Variants in DPP6 observed in about 807,000 individuals in gnomAD.
The protein encoded by DPP6 is A-type potassium channel modulatory protein DPP6.
DPP6 carries 69 observed loss-of-function variants against 122.6 expected under a neutral mutation model. The observed-to-expected ratio is 0.56, with a 90% CI of 0.46 to 0.69. DPP6 has a LOEUF of 0.69. Ranked by LOEUF, DPP6 falls within the 30% of genes least tolerant of loss-of-function variation. The pLI is 0.00. For synonymous variants in DPP6, 418 were observed against 433.1 expected (o/e 0.97, Z 0.43); for missense variants, 928 against 1,116.9 (o/e 0.83, Z 2.41).
intron 1 of DPP6, among the ~76,000 whole-genome samples, chr7:154,433,761 A>G (rs1818640360): frequency 6.6e-6 from 1 of 152,216 alleles, no homozygotes; most frequent in Non-Finnish European, 1.5e-5. Context: ...TGGAGGCAGT[A>G]ATTAAGCTCT....
At chr7:154,488,749 C>T (rs1040088387) in intron 3 of DPP6, among the ~76,000 whole-genome samples, 2 of 152,088 alleles carry the variant, frequency 1.3e-5, no homozygotes, top group African/African-American at 4.8e-5. Context: ...CATCCAGAAA[C>T]ACAGGCATGA....
intron 1 of DPP6, among the ~76,000 whole-genome samples, chr7:153,906,502 G>A (rs1044555286): frequency 1.3e-5 from 2 of 152,172 alleles, no homozygotes; most frequent in Non-Finnish European, 1.5e-5. Context: ...CCAGGCTGGG[G>A]TGCACTTGCA....
Position 153,984,389 on chromosome 7 carries a change from A to G in DPP6, c.51+96655A>G, listed in dbSNP as rs553200558. Among the ~76,000 whole-genome samples the G allele has an allele frequency of 2.5e-3, 386 of 152,350 alleles. 4 individuals carry two copies. Among genetic ancestry groups the G allele is most frequent in the Middle Eastern group, 3.4e-3 (1 of 294 alleles). The stretch of plus-strand genomic sequence containing the variant: ...TTCATAGAAACATGTACACAAGACA[A>G]TATTACCAGAAATCAACCCCCAAAA... On this transcript the variant is annotated intron_variant, in intron 1 of 25. Transcript: ENST00000404039.
intron 2 of DPP6, among the ~76,000 whole-genome samples, chr7:154,462,429 T>G (rs1316216094): frequency 2.0e-5 from 3 of 152,210 alleles, no homozygotes; most frequent in African/African-American, 7.2e-5. Flanking sequence ...GAGATTTCAT[T>G]GAACCTGTAG....
chr7:153,899,786 G>A (rs1334838467), intron 1 of DPP6, among the ~76,000 whole-genome samples: 2 of 152,216 alleles, frequency 1.3e-5, no homozygotes, highest in East Asian at 1.9e-4. Flanking sequence ...GAGTGTGAAT[G>A]TGTGTGCACA....
intron 5 of DPP6, among the ~76,000 whole-genome samples, chr7:154,625,027 G>A (rs1834975429): frequency 1.3e-5 from 2 of 152,162 alleles, no homozygotes; most frequent in South Asian, 4.1e-4. Context: ...ATGGCCAGTG[G>A]ATAAATATAC....
chr7:154,274,650 G>T (rs1296288645), intron 1 of DPP6, among the ~76,000 whole-genome samples: 1 of 151,846 alleles, frequency 6.6e-6, no homozygotes, highest in South Asian at 2.1e-4. Context: ...TGCAAAATAC[G>T]TTTTTTTTCT....
intron 1 of DPP6, among the ~76,000 whole-genome samples, chr7:154,125,686 T>C (rs536915881): frequency 6.6e-6 from 1 of 152,286 alleles, no homozygotes; most frequent in East Asian, 1.9e-4. Flanking sequence ...GTGTGATGGC[T>C]CCTTGGGCTT....
intron 1 of DPP6, among the ~76,000 whole-genome samples, chr7:153,942,006 A>C (rs909232737): frequency 6.6e-6 from 1 of 152,222 alleles, no homozygotes; most frequent in Non-Finnish European, 1.5e-5. Context: ...GCGTTTCTGC[A>C]ATGGCAACTT....
chr7:153,953,583 C>T (rs12670012), intron 1 of DPP6, among the ~76,000 whole-genome samples: 51,165 of 151,936 alleles, frequency 0.34, 9,091 homozygotes, highest in East Asian at 0.59. Flanking sequence ...CTGGGCAAGT[C>T]GGTGATCTGT....
chr7:154,733,975 T>A (rs1310997929), intron 8 of DPP6, among the ~76,000 whole-genome samples: 1 of 152,358 alleles, frequency 6.6e-6, no homozygotes, highest in African/African-American at 2.4e-5. Context: ...GTGTGCTGAG[T>A]ACCTGCTTCC....
At chr7:154,607,975 C>CTT (rs1335375339) in intron 5 of DPP6, among the ~76,000 whole-genome samples, 1 of 97,112 alleles carries the variant, frequency 1.0e-5, no homozygotes, top group Non-Finnish European at 2.3e-5. Context: ...TTAGTTTTTT[C>CTT]TTTTTTTTTT....
Position 154,241,238 on chromosome 7 carries a change from G to A in DPP6, c.243+188175G>A, listed in dbSNP as rs1353719986. On this transcript the variant is annotated intron_variant, in intron 1 of 25. Transcript: ENST00000377770. The surrounding 1 kb of genome is among the most constrained non-coding windows in gnomAD (Gnocchi z 9.0). ...GTGTGTGTATATATATATAGAGAGA[G>A]AGAGAGACACTTTTATCCATTTAGG... Among the ~76,000 whole-genome samples, 1 of 143,970 alleles carries A rather than the reference G, an allele frequency of 6.9e-6. No individual in the cohort carries two copies. Among genetic ancestry groups the A allele is most frequent in the Non-Finnish European group, 1.5e-5 (1 of 65,016 alleles). 94.4% of individuals were successfully genotyped at this position (143,970 alleles called of 152,430 possible).
chr7:154,101,935 CAAAAAAAAA>C (rs915468915), intron 1 of DPP6, among the ~76,000 whole-genome samples: 11 of 40,828 alleles, frequency 2.7e-4, no homozygotes, highest in Non-Finnish European at 3.9e-4. Flanking sequence ...TACTCCATCT[CAAAAAAAAA>C]AAAAAAAAAA....
intron 20 of DPP6, among the ~76,000 whole-genome samples, chr7:154,879,040 A>C (rs536057363): frequency 2.6e-5 from 4 of 152,296 alleles, no homozygotes; most frequent in African/African-American, 9.6e-5. Context: ...CAGGACATCC[A>C]TCCTTCCTTC....
At chr7:154,154,326 G>A (rs1203131408) in intron 1 of DPP6, among the ~76,000 whole-genome samples, 1 of 152,260 alleles carries the variant, frequency 6.6e-6, no homozygotes, top group Non-Finnish European at 1.5e-5. Flanking sequence ...TGTTACTGAT[G>A]GGTGCTAACC....
intron 1 of DPP6, among the ~76,000 whole-genome samples, chr7:153,931,566 T>TG (rs1554410289): frequency 7.2e-5 from 7 of 96,990 alleles, no homozygotes; most frequent in Admixed American, 2.9e-4. Flanking sequence ...AAGTATTTCA[T>TG]GGGAAAAAAA....
intron 1 of DPP6, among the ~76,000 whole-genome samples, chr7:153,934,812 G>A (rs866737404): frequency 2.0e-4 from 31 of 152,294 alleles, no homozygotes; most frequent in African/African-American, 6.7e-4. Flanking sequence ...TCAGGGCAGC[G>A]GGAGACTGTC....
Position 154,875,127 on chromosome 7 carries a change from AAAAG to A in DPP6, c.1884-773_1884-770del, listed in dbSNP as rs1804740203. ...ACAAAAGAAAAAAAAAGAAGAAAAG[AAAAG>A]AAAGAGAGAGAGAGAAGGAAAGAAG... is the stretch of plus-strand genomic sequence containing the variant. On this transcript the variant is annotated intron_variant, in intron 19 of 25. Transcript: ENST00000377770. The surrounding 1 kb of genome is among the most constrained non-coding windows in gnomAD (Gnocchi z 4.5). Among the ~76,000 whole-genome samples, 2 of 152,084 alleles carry A rather than the reference AAAAG, an allele frequency of 1.3e-5. No homozygotes were observed. Among genetic ancestry groups the A allele is most frequent in the African/African-American group, 2.4e-5 (1 of 41,418 alleles).
Sources: allele counts gnomAD v4.1 joint callset (sites outside exome capture counted in the v4.1 genomes callset), GRCh38; gene constraint gnomAD v4.1.1; non-coding constraint Gnocchi (gnomAD v3.1); transcripts MANE v1.5; gene names NCBI Gene and HGNC (gene_info 2026-07-23, HGNC 2026-07-21).